RPTOR: variants seen among roughly 807,000 people sequenced by gnomAD.
RPTOR encodes regulatory associated protein of MTOR complex 1, also known as regulatory-associated protein of mTOR.
RPTOR carries 21 observed loss-of-function variants against 169.9 expected under a neutral mutation model. That is an observed-to-expected ratio of 0.12 (90% confidence interval 0.09 to 0.18). The LOEUF is 0.18. Among genes scored for constraint, RPTOR ranks in the 10% least tolerant of loss-of-function variants. RPTOR has a pLI of 1.00. For missense variants in RPTOR, 1,133 were observed against 1,855.9 expected (o/e 0.61, Z 7.16); for synonymous variants, 732 against 753.2 (o/e 0.97, Z 0.46).
At position 80,651,337 on chromosome 17, in the gene RPTOR, G is replaced by T. The variant is rs1304348556; in HGVS notation, c.348+7527G>T. On this transcript the variant is annotated intron_variant, in intron 3 of 33. Transcript: ENST00000306801. The surrounding 1 kb of genome is among the most constrained non-coding windows in gnomAD (Gnocchi z 4.1). ...AATCCTGCTCCAGCCAAATTGGAAA[G>T]TGCTGATCAAGGGGGAAACGATCAA... is the stretch of plus-strand genomic sequence containing the variant. Among the ~76,000 whole-genome samples, 2 of 152,196 alleles carry T rather than the reference G, an allele frequency of 1.3e-5. No homozygotes were observed. Among genetic ancestry groups the T allele is most frequent in the African/African-American group, 4.8e-5 (2 of 41,442 alleles).
intron 3 of RPTOR, among the ~76,000 whole-genome samples, chr17:80,697,346 G>A (rs182253296): frequency 4.2e-4 from 64 of 152,342 alleles, no homozygotes; most frequent in African/African-American, 1.4e-3. Context: ...GTGGGCAAAC[G>A]GGAATAGGAG....
intron 9 of RPTOR, among the ~76,000 whole-genome samples, chr17:80,835,238 G>A (rs1369714056): frequency 6.6e-6 from 1 of 152,034 alleles, no homozygotes; most frequent in Admixed American, 6.5e-5. Flanking sequence ...TAGTCCCTTT[G>A]TTCATCTTAA....
intron 4 of RPTOR, among the ~76,000 whole-genome samples, chr17:80,709,985 T>TC (rs1417884541): frequency 6.6e-6 from 1 of 152,010 alleles, no homozygotes; most frequent in East Asian, 1.9e-4. Flanking sequence ...CAAAACTTTT[T>TC]TTTTTTTTTG....
At chr17:80,566,061 G>C (rs1194058514) in intron 1 of RPTOR, among the ~76,000 whole-genome samples, 1 of 152,200 alleles carries the variant, frequency 6.6e-6, no homozygotes, top group African/African-American at 2.4e-5. Flanking sequence ...TAAGAGAATG[G>C]GATTTGGAGT....
chr17:80,899,922 TC>T (rs2068454055), intron 20 of RPTOR, among the ~76,000 whole-genome samples: 1 of 152,118 alleles, frequency 6.6e-6, no homozygotes, highest in South Asian at 2.1e-4. Flanking sequence ...CCAAGGATAC[TC>T]CTGTGAGTCA....
intron 20 of RPTOR, among the ~76,000 whole-genome samples, chr17:80,896,555 AC>A (rs2068407575): frequency 7.4e-5 from 1 of 13,598 alleles, no homozygotes; most frequent in Non-Finnish European, 2.3e-4. Flanking sequence ...CCGCGCCGAC[AC>A]CCCACACAGC....
intron 1 of RPTOR, among the ~76,000 whole-genome samples, chr17:80,598,553 A>G (rs560182797): frequency 6.6e-6 from 1 of 152,330 alleles, no homozygotes; most frequent in Admixed American, 6.5e-5. Flanking sequence ...GTCCTCAGGA[A>G]CGTTCGCATT....
chr17:80,736,551 AATGAC>A (rs1262993649), intron 5 of RPTOR, among the ~76,000 whole-genome samples: 2 of 152,226 alleles, frequency 1.3e-5, no homozygotes, highest in African/African-American at 4.8e-5. Flanking sequence ...TTCTGCCAAA[AATGAC>A]TAACGTCTAG....
intron 4 of RPTOR, among the ~76,000 whole-genome samples, chr17:80,724,042 G>A (rs2066309265): frequency 6.6e-6 from 1 of 151,378 alleles, no homozygotes; most frequent in African/African-American, 2.5e-5. Flanking sequence ...GGAGAAAGGG[G>A]GTTGCTGAAG....
chr17:80,576,145 G>A (rs1466458714), intron 1 of RPTOR, among the ~76,000 whole-genome samples: 1 of 152,202 alleles, frequency 6.6e-6, no homozygotes, highest in Non-Finnish European at 1.5e-5. Context: ...GATTAAAACA[G>A]ATCAGTCTGA....
intron 3 of RPTOR, among the ~76,000 whole-genome samples, chr17:80,706,256 C>T (rs533982110): frequency 2.0e-5 from 3 of 152,134 alleles, no homozygotes; most frequent in East Asian, 3.9e-4. Context: ...CTTTCACACC[C>T]GTTGTTCCCC....
intron 1 of RPTOR, among the ~76,000 whole-genome samples, chr17:80,608,750 G>A (rs925851403): frequency 2.0e-5 from 3 of 152,194 alleles, no homozygotes; most frequent in Non-Finnish European, 2.9e-5. Context: ...AGGCCCACCC[G>A]CAGTAGCTGA....
At chr17:80,791,862 A>G (rs538254852) in intron 7 of RPTOR, among the ~76,000 whole-genome samples, 2 of 151,994 alleles carry the variant, frequency 1.3e-5, no homozygotes, top group Admixed American at 6.5e-5. Flanking sequence ...CTCTTACCTT[A>G]TTTTCTGAAA....
rs1237185625 is a variant in RPTOR at position 80,746,113 on chromosome 17, G to C, written c.655-7897G>C. On this transcript the variant is annotated intron_variant, in intron 5 of 33. Coordinates refer to ENST00000306801, the MANE Select transcript of RPTOR (RefSeq NM_020761.3). This position sits in a 1 kb window ranked among gnomAD's most constrained non-coding sequence, Gnocchi z 4.5. Reference sequence around the variant, plus strand: ...GGAGGTGGAGGTTGCAGTGAGCTGAGATGGTGCCATTGCCCTCCAGCCTGG... The same window carrying C: ...GGAGGTGGAGGTTGCAGTGAGCTGACATGGTGCCATTGCCCTCCAGCCTGG... Among the ~76,000 whole-genome samples the C allele has an allele frequency of 6.6e-6, 1 of 151,188 alleles. No homozygotes were observed. The highest frequency in any genetic ancestry group is 1.5e-5 in the Non-Finnish European group (1 of 67,938).
intron 19 of RPTOR, 143 bp from the exon 20 acceptor site, chr17:80,893,564 G>A: frequency 1.0e-6 from 1 of 1,000,888 alleles, no homozygotes. Context: ...GCGCACCAGG[G>A]TGTGTGTGTA....
chr17:80,657,456 C>T (rs1004076014), intron 3 of RPTOR, among the ~76,000 whole-genome samples: 1 of 152,172 alleles, frequency 6.6e-6, no homozygotes. Flanking sequence ...GCCAAAGTAA[C>T]CAGCTGACTT....
At chr17:80,760,591 C>T (rs60064073) in intron 6 of RPTOR, among the ~76,000 whole-genome samples, 57,715 of 152,024 alleles carry the variant, frequency 0.38, 11,558 homozygotes, top group East Asian at 0.56. Flanking sequence ...CACGAGCCAC[C>T]GCACCCAGCC....
At chr17:80,792,501 C>A (rs529880030) in intron 7 of RPTOR, among the ~76,000 whole-genome samples, 1 of 152,208 alleles carries the variant, frequency 6.6e-6, no homozygotes, top group African/African-American at 2.4e-5. Flanking sequence ...GCCGGGGAAG[C>A]GACACTGGTC....
chr17:80,594,741 C>T (rs1426069877), intron 1 of RPTOR, among the ~76,000 whole-genome samples: 1 of 152,206 alleles, frequency 6.6e-6, no homozygotes, highest in Non-Finnish European at 1.5e-5. Context: ...GGTGGCTCTT[C>T]TTTTCCTTTA....
Sources: allele counts gnomAD v4.1 joint callset (sites outside exome capture counted in the v4.1 genomes callset), GRCh38; gene constraint gnomAD v4.1.1; non-coding constraint Gnocchi (gnomAD v3.1); transcripts MANE v1.5; gene names NCBI Gene and HGNC (gene_info 2026-07-23, HGNC 2026-07-21).